ZNF407: variants seen among roughly 807,000 people sequenced by gnomAD.
ZNF407 encodes the protein zinc finger protein 407.
A neutral mutation model predicts 131.2 loss-of-function variants in ZNF407; 17 were observed. The ratio of observed to expected loss-of-function variants is 0.13; its 90% confidence interval spans 0.09 to 0.19. The LOEUF (loss-of-function observed/expected upper bound fraction) is 0.19. Ranked by LOEUF, ZNF407 falls within the 10% of genes least tolerant of loss-of-function variation. The pLI, the probability that ZNF407 is intolerant of heterozygous loss-of-function variation, is 1.00. For synonymous variants in ZNF407, 1,156 were observed against 1,062.0 expected (o/e 1.09, Z -1.72); for missense variants, 2,681 against 2,830.6 (o/e 0.95, Z 1.20).
chr18:74,774,496 G>A (rs1397152048), intron 3 of ZNF407, among the ~76,000 whole-genome samples: 2 of 152,196 alleles, frequency 1.3e-5, no homozygotes, highest in Non-Finnish European at 2.9e-5. Context: ...ATAATGGAAT[G>A]TGAACCTGAC....
rs535148735 is a variant in ZNF407, at chr18:74,928,023, A to G, written c.5428+7331A>G. Among the ~76,000 whole-genome samples, 100 of 152,274 alleles carry G rather than the reference A, an allele frequency of 6.6e-4. 2 individuals are homozygous for G. In the South Asian group the frequency reaches 0.011, roughly 17 times the overall value. On this transcript the variant is annotated intron_variant, in intron 8 of 8. Coordinates refer to ENST00000299687, the MANE Select transcript of ZNF407 (RefSeq NM_017757.3). ...GCCAAACTCTGTTGGATGTTTAAAG[A>G]TGTTTATCCTGTGCCAAATATGAGT...
At chr18:74,851,054 T>C (rs1277459936) in intron 4 of ZNF407, among the ~76,000 whole-genome samples, 1 of 152,258 alleles carries the variant, frequency 6.6e-6, no homozygotes, top group Non-Finnish European at 1.5e-5. Context: ...TTGGTTTGCA[T>C]GGAAAACTAT....
At chr18:74,789,549 G>T (rs936006226) in intron 4 of ZNF407, among the ~76,000 whole-genome samples, 1 of 152,068 alleles carries the variant, frequency 6.6e-6, no homozygotes, top group South Asian at 2.1e-4. Flanking sequence ...TGGCTGCTGT[G>T]CCAGTCGTCT....
intron 7 of ZNF407, among the ~76,000 whole-genome samples, chr18:74,904,665 G>A (rs572173638): frequency 1.3e-5 from 2 of 152,324 alleles, no homozygotes; most frequent in Admixed American, 1.3e-4. Flanking sequence ...AAAGGAAGAT[G>A]TTAAAGTCGG....
rs1390550632 is a variant in ZNF407, at chr18:74,632,405, A to G, written c.1386A>G (p.Lys462=). The part of the protein sequence containing the change: ...GTSETQRMYM[K]HLRTQMKTHD... ...GTGAAACTCAGAGGATGTATATGAA[A>G]CACTTGAGAACACAGATGAAAACAC... is the stretch of plus-strand genomic sequence containing the variant. Residue 462 remains lysine (K), a synonymous_variant, in exon 2 of 9, where the codon AAA becomes AAG. Coordinates refer to ENST00000299687, the MANE Select transcript of ZNF407 (RefSeq NM_017757.3). 6.2e-7 allele frequency: 1 copy of G among 1,614,024 alleles called. No individual in the cohort carries two copies. Among genetic ancestry groups the G allele is most frequent in the South Asian group, 1.1e-5 (1 of 91,088 alleles).
At chr18:75,045,437 T>A (rs1393899421) in intron 8 of ZNF407, among the ~76,000 whole-genome samples, 1 of 152,202 alleles carries the variant, frequency 6.6e-6, no homozygotes, top group Non-Finnish European at 1.5e-5. Context: ...CCTGGCCTCC[T>A]GCACGTAGGC....
At position 75,063,805 on chromosome 18, in the gene ZNF407, C is replaced by G. The variant is rs772247355; in HGVS notation, c.6084C>G (p.Val2028=). Residue 2028 remains valine (V), a synonymous_variant, in exon 9 of 9, where the codon GTC becomes GTG. Coordinates refer to ENST00000299687, the MANE Select transcript of ZNF407 (RefSeq NM_017757.3). The surrounding 1 kb of genome is among the most constrained non-coding windows in gnomAD (Gnocchi z 6.6). ...DVLIQLPGQE[V]SHVAADPEAP... ...TGATCCAGCTGCCCGGGCAGGAGGTCTCCCATGTGGCTGCCGACCCCGAGG... is the reference window on the plus strand; with the variant it reads ...TGATCCAGCTGCCCGGGCAGGAGGTGTCCCATGTGGCTGCCGACCCCGAGG... The G allele has an allele frequency of 4.4e-6, 7 of 1,608,726 alleles. No homozygotes were observed. The highest frequency in any genetic ancestry group is 5.9e-6 in the Non-Finnish European group (7 of 1,179,582).
intron 3 of ZNF407, among the ~76,000 whole-genome samples, chr18:74,746,798 A>T (rs909181470): frequency 1.3e-5 from 2 of 152,146 alleles, no homozygotes; most frequent in African/African-American, 4.8e-5. Flanking sequence ...TAAAAAAAAA[A>T]ACGATAAGTA....
chr18:74,863,934 T>C (rs1418683233), intron 4 of ZNF407, among the ~76,000 whole-genome samples: 4 of 152,174 alleles, frequency 2.6e-5, no homozygotes, highest in African/African-American at 9.7e-5. Context: ...TGTTATTTTC[T>C]TATTTTTGTT....
At chr18:74,959,231 A>T (rs1400998836) in intron 8 of ZNF407, among the ~76,000 whole-genome samples, 1 of 152,228 alleles carries the variant, frequency 6.6e-6, no homozygotes, top group Non-Finnish European at 1.5e-5. Context: ...ACTGTTCAAG[A>T]TCGCAATACT....
chr18:74,651,508 G>A (rs1339891637), intron 3 of ZNF407, among the ~76,000 whole-genome samples: 4 of 152,124 alleles, frequency 2.6e-5, no homozygotes, highest in East Asian at 3.8e-4. Context: ...ATGTTTAAGC[G>A]AGACTGTGTC....
At chr18:75,062,939 C>T in intron 8 of ZNF407, 2 of 505,810 alleles carry the variant, frequency 4.0e-6, no homozygotes, top group Non-Finnish European at 7.0e-6. Flanking sequence ...CCAGTATTAA[C>T]TGTGTGTGCC....
rs182816358 is a variant in ZNF407, at chr18:74,920,241, A to G, written c.5250-273A>G. Among the ~76,000 whole-genome samples, 20 of 152,240 alleles carry G rather than the reference A, an allele frequency of 1.3e-4. No homozygotes were observed. In the South Asian group the frequency reaches 3.3e-3, roughly 25 times the overall value. ...CTTCACTGCCCTCGAGTGGTACCAG[A>G]ATAATTTGATATTAAAATAATAGTG... On this transcript the variant is annotated intron_variant, in intron 7 of 8. Transcript: ENST00000299687.
At chr18:74,755,582 G>GTTTTTTTTTTTTT (rs541126314) in intron 3 of ZNF407, among the ~76,000 whole-genome samples, 1 of 87,360 alleles carries the variant, frequency 1.1e-5, no homozygotes, top group African/African-American at 5.7e-5. Flanking sequence ...CTCCTTTCTG[G>GTTTTTTTTTTTTT]TTTTTTTTTT....
chr18:74,908,799 T>C (rs1971629531), intron 7 of ZNF407, among the ~76,000 whole-genome samples: 1 of 152,144 alleles, frequency 6.6e-6, no homozygotes, highest in South Asian at 2.1e-4. Context: ...GAGCACATTC[T>C]TCCAACCTAC....
At position 74,633,117 on chromosome 18, in the gene ZNF407, T is replaced by C; in HGVS notation, c.2098T>C (p.Ser700Pro). The C allele has an allele frequency of 6.2e-7, 1 of 1,613,310 alleles. No individual in the cohort carries two copies. Among genetic ancestry groups the C allele is most frequent in the Non-Finnish European group, 8.5e-7 (1 of 1,179,668 alleles). The change falls in exon 2 of 9, where the codon TCC (serine) becomes CCC (proline). Residue 700 changes from serine (S) to proline (P), a missense_variant. Ser to Pro is a moderately conservative substitution (Grantham distance 74, BLOSUM62 -1). This residue lies in a region of ZNF407 where 1,789 missense variants were observed against 1,748.7 expected (regional missense o/e 1.02). Transcript: ENST00000299687. ...AAGCCATGGTAATGAAGTGAGGCAT[T>C]CCAGTAAGCCTCAGTTTCAGTGTAA... is the stretch of plus-strand genomic sequence containing the variant. ...RVSHGNEVRHSSKPQFQCKKC... is the reference protein window; with the variant it reads ...RVSHGNEVRHPSKPQFQCKKC...
chr18:74,741,245 C>T (rs1387147652), intron 3 of ZNF407, among the ~76,000 whole-genome samples: 1 of 152,042 alleles, frequency 6.6e-6, no homozygotes, highest in African/African-American at 2.4e-5. Flanking sequence ...TACATATATA[C>T]ACACATACAT....
rs1028966641 is a variant in ZNF407 at position 74,856,420 on chromosome 18, C to G, written c.4878-20777C>G. Among the ~76,000 whole-genome samples the G allele has an allele frequency of 3.3e-5, 5 of 152,068 alleles. No homozygotes were observed. The South Asian group carries it at 1.0e-3, about 32-fold the overall frequency. On this transcript the variant is annotated intron_variant, in intron 4 of 8. Transcript: ENST00000299687. Reference sequence around the variant, plus strand: ...TATGACTATAAATTTCTTTGAAACACCTATATAGGAGAAGAAAGCAATCTA... The same window carrying G: ...TATGACTATAAATTTCTTTGAAACAGCTATATAGGAGAAGAAAGCAATCTA...
chr18:74,762,917 A>G (rs548393319), intron 3 of ZNF407, among the ~76,000 whole-genome samples: 14 of 152,236 alleles, frequency 9.2e-5, no homozygotes, highest in Admixed American at 2.6e-4. Flanking sequence ...TTTGTAAACA[A>G]GTTTTGTATG....
Sources: allele counts gnomAD v4.1 joint callset (sites outside exome capture counted in the v4.1 genomes callset), GRCh38; gene constraint gnomAD v4.1.1; regional missense constraint gnomAD v4.1.1; non-coding constraint Gnocchi (gnomAD v3.1); transcripts MANE v1.5; gene names NCBI Gene and HGNC (gene_info 2026-07-23, HGNC 2026-07-21).